The following PPP2R1B variants were observed in gnomAD, a reference collection of about 807,000 sequenced individuals.
PPP2R1B encodes the protein protein phosphatase 2 scaffold subunit Abeta.
PPP2R1B carries 58 observed loss-of-function variants against 72.7 expected under a neutral mutation model. That is an observed-to-expected ratio of 0.80 (90% CI 0.65 to 0.99). The LOEUF is 0.99. PPP2R1B is among the 50% of genes least tolerant of loss of function. PPP2R1B has a pLI of 0.00. For missense variants in PPP2R1B, 695 were observed against 733.6 expected (o/e 0.95, Z 0.61); for synonymous variants, 256 against 264.6 (o/e 0.97, Z 0.32).
downstream of PPP2R1B, among the ~76,000 whole-genome samples, chr11:111,733,205 C>T (rs1015250205): frequency 6.6e-6 from 1 of 152,158 alleles, no homozygotes; most frequent in African/African-American, 2.4e-5. Context: ...CTCCCTTTGT[C>T]CGTGTTTCTG....
chr11:111,708,916 CTTGTTT>C, the PPP2R1B span, among the ~76,000 whole-genome samples: 2 of 152,154 alleles, frequency 1.3e-5, no homozygotes, highest in Non-Finnish European at 2.9e-5. Flanking sequence ...GGCCTAACCA[CTTGTTT>C]TTAACAGTCC....
At chr11:111,705,993 A>G in the PPP2R1B span, among the ~76,000 whole-genome samples, 2 of 152,278 alleles carry the variant, frequency 1.3e-5, no homozygotes, top group Middle Eastern at 3.4e-3. This position sits in a 1 kb window ranked among gnomAD's most constrained non-coding sequence, Gnocchi z 4.3. Context: ...GAAGTTAGCA[A>G]TGGTTCGGAG....
chr11:111,721,052 G>T, the PPP2R1B span: 1 of 1,613,248 alleles, frequency 6.2e-7, no homozygotes, highest in African/African-American at 1.3e-5. Flanking sequence ...CTTGCTAGCA[G>T]CTGCCCTCAG....
At chr11:111,705,504 A>G in the PPP2R1B span, among the ~76,000 whole-genome samples, 2 of 152,190 alleles carry the variant, frequency 1.3e-5, no homozygotes, top group Non-Finnish European at 2.9e-5. The surrounding 1 kb of genome is among the most constrained non-coding windows in gnomAD (Gnocchi z 4.3). Flanking sequence ...CCTCAGAGAC[A>G]TCGCGCTATA....
chr11:111,734,102 G>A (rs767318626), downstream of PPP2R1B, among the ~76,000 whole-genome samples: 4 of 152,348 alleles, frequency 2.6e-5, no homozygotes, highest in Admixed American at 2.0e-4. Context: ...TTTACTGCGA[G>A]GGGCAAATGC....
downstream of PPP2R1B, among the ~76,000 whole-genome samples, chr11:111,733,204 T>C (rs1235639143): frequency 6.6e-6 from 1 of 152,134 alleles, no homozygotes. Context: ...CCTCCCTTTG[T>C]CCGTGTTTCT....
chr11:111,739,413 C>T lies in PPP2R1B; in HGVS notation c.*2183G>A. ...CAAGTTATGAGCCAAAGCACAATTC[C>T]TCTGAAGAGTACCAAAACAAATTCT... On this transcript the variant is annotated 3_prime_UTR_variant, in exon 15 of 15. Transcript: ENST00000527614. 1.0e-6 allele frequency: 1 copy of T among 985,292 alleles called. No homozygotes were observed. Among genetic ancestry groups the T allele is most frequent in the Non-Finnish European group, 1.2e-6 (1 of 829,884 alleles). The allele number at this position is 985,292 out of a possible 1,614,324, so 61.0% of individuals were successfully genotyped here.
chr11:111,727,234 G>C, intron 15 of PPP2R1B: 1 of 624,462 alleles, frequency 1.6e-6, no homozygotes, highest in East Asian at 2.7e-5. Context: ...TCCCTGCGTG[G>C]GAGAGCATCA....
At chr11:111,765,451 A>T (rs1190959175) in intron 1 of PPP2R1B, 67 bp from the exon 2 acceptor site, 1 of 1,224,498 alleles carries the variant, frequency 8.2e-7, no homozygotes, top group Non-Finnish European at 1.2e-6. Context: ...AAAAGACAAA[A>T]GGTGCTAACA....
rs1191363599 is a variant in PPP2R1B, at chr11:111,740,028, G to T, written c.*1568C>A. On this transcript the variant is annotated 3_prime_UTR_variant, in exon 15 of 15. Coordinates refer to ENST00000527614, the MANE Select transcript of PPP2R1B (RefSeq NM_002716.5). ...GTAACAAATATACAAAGTCTTAGAGGAGTCTTTGGGCCTTCACTAAACAGA... is the reference window on the plus strand; with the variant it reads ...GTAACAAATATACAAAGTCTTAGAGTAGTCTTTGGGCCTTCACTAAACAGA... The T allele has an allele frequency of 6.2e-5, 61 of 982,928 alleles. No homozygotes were observed. The highest frequency in any genetic ancestry group is 3.4e-4 in the East Asian group (3 of 8,826). The allele number at this position is 982,928 out of a possible 1,614,324, so 60.9% of individuals were successfully genotyped here.
chr11:111,694,723 T>C, the PPP2R1B span, among the ~76,000 whole-genome samples: 1 of 152,232 alleles, frequency 6.6e-6, no homozygotes, highest in African/African-American at 2.4e-5. Context: ...AATGAAACTT[T>C]GTATCCTTAA....
chr11:111,755,336 AT>A lies in PPP2R1B; in HGVS notation c.801del (p.Lys267AsnfsTer26), dbSNP rs782133900. 1.9e-6 allele frequency: 3 copies of A among 1,613,088 alleles called. No individual in the cohort carries two copies. The South Asian group carries it at 3.3e-5, about 18-fold the overall frequency. On this transcript the variant is annotated frameshift_variant, in exon 6 of 15. Coordinates refer to ENST00000527614, the MANE Select transcript of PPP2R1B (RefSeq NM_002716.5). LOFTEE classifies it high-confidence loss of function. Reference sequence around the variant, plus strand: ...GCCACCATATAGCGAACGCGCCAAGATTTATCTTCTGCTGCTTGTCGAAGTG... The same window carrying A: ...GCCACCATATAGCGAACGCGCCAAGATTATCTTCTGCTGCTTGTCGAAGTG... The part of the protein sequence containing the change: ...MPTLRQAAED[K>X]SWRVRYMVAD...
chr11:111,715,534 T>G, the PPP2R1B span, among the ~76,000 whole-genome samples: 1 of 152,176 alleles, frequency 6.6e-6, no homozygotes, highest in Non-Finnish European at 1.5e-5. Context: ...AAATTGTCAG[T>G]AAAATCCCTT....
chr11:111,688,819 G>A, the PPP2R1B span, among the ~76,000 whole-genome samples: 1 of 151,996 alleles, frequency 6.6e-6, no homozygotes, highest in Non-Finnish European at 1.5e-5. The surrounding 1 kb of genome is among the most constrained non-coding windows in gnomAD (Gnocchi z 4.2). Flanking sequence ...TATGATATGT[G>A]GAAATCATTT....
At chr11:111,737,518 T>C (rs1944373290), downstream of PPP2R1B, 1 of 1,614,184 alleles carries the variant, frequency 6.2e-7, no homozygotes, top group Non-Finnish European at 8.5e-7. Flanking sequence ...GACACTGGGT[T>C]CTCCACTGTC....
chr11:111,719,691 C>A, the PPP2R1B span: 1 of 1,359,606 alleles, frequency 7.4e-7, no homozygotes, highest in Non-Finnish European at 1.0e-6. Context: ...TCTAGTTCGC[C>A]ACAAGTCTTG....
chr11:111,746,385 A>C (rs1944704634), intron 11 of PPP2R1B, among the ~76,000 whole-genome samples: 1 of 152,188 alleles, frequency 6.6e-6, no homozygotes, highest in Admixed American at 6.5e-5. Context: ...CAGAAAACCA[A>C]ACAGTACATG....
At chr11:111,723,061 G>A (rs1262145853), downstream of PPP2R1B, among the ~76,000 whole-genome samples, 1 of 152,126 alleles carries the variant, frequency 6.6e-6, no homozygotes, top group Admixed American at 6.5e-5. Flanking sequence ...TGGGGTAGGC[G>A]GCACAGGAGC....
At chr11:111,714,802 C>G in the PPP2R1B span, among the ~76,000 whole-genome samples, 3 of 152,132 alleles carry the variant, frequency 2.0e-5, no homozygotes, top group East Asian at 5.8e-4. Context: ...GTGTCTGGGC[C>G]CCTAAGGATG....
Sources: allele counts gnomAD v4.1 joint callset (sites outside exome capture counted in the v4.1 genomes callset), GRCh38; gene constraint gnomAD v4.1.1; non-coding constraint Gnocchi (gnomAD v3.1); transcripts MANE v1.5; gene names NCBI Gene and HGNC (gene_info 2026-07-23, HGNC 2026-07-21).